CCDC171: variants seen among roughly 807,000 people sequenced by gnomAD.
CCDC171 encodes the protein coiled-coil domain-containing protein 171.
Under a neutral mutation model 168.2 loss-of-function variants are expected in CCDC171, and 177 were observed. The observed-to-expected ratio is 1.05, with a 90% CI of 0.93 to 1.19. CCDC171 has a LOEUF of 1.19. Among genes scored for constraint, CCDC171 ranks in the 50% most tolerant of loss-of-function variants. The probability of loss-of-function intolerance (pLI) is 0.00; values close to 1 mark genes in which losing one functional copy is unlikely to be tolerated. For synonymous variants in CCDC171, 687 were observed against 540.8 expected (o/e 1.27, Z -3.75); for missense variants, 1,991 against 1,539.0 (o/e 1.29, Z -4.91).
chr9:15,991,724 C>G (rs577280871), intron 3 of CCDC171, among the ~76,000 whole-genome samples: 1 of 152,066 alleles, frequency 6.6e-6, no homozygotes, highest in East Asian at 1.9e-4. Flanking sequence ...CAAATAGATG[C>G]AATAAAAAAT....
intron 3 of CCDC171, among the ~76,000 whole-genome samples, chr9:15,993,869 A>C (rs984222929): frequency 6.6e-6 from 1 of 152,224 alleles, no homozygotes; most frequent in African/African-American, 2.4e-5. Flanking sequence ...GAGAAATGCA[A>C]ATCGAAACCA....
chr9:15,640,319 C>T (rs1009133268), intron 7 of CCDC171, among the ~76,000 whole-genome samples: 3 of 152,012 alleles, frequency 2.0e-5, no homozygotes, highest in Non-Finnish European at 4.4e-5. Context: ...AGTCACAAAG[C>T]AGCATTAATT....
intron 21 of CCDC171, among the ~76,000 whole-genome samples, chr9:15,793,143 T>C (rs1033057964): frequency 6.6e-5 from 10 of 151,140 alleles, no homozygotes; most frequent in African/African-American, 2.4e-4. Context: ...ACCAAGCAAA[T>C]GGAAAACAAA....
At position 15,720,655 on chromosome 9, in the gene CCDC171, A is replaced by C. The variant is rs1215501296; in HGVS notation, c.1319-1114A>C. Among the ~76,000 whole-genome samples the C allele has an allele frequency of 3.3e-5, 5 of 152,228 alleles. No individual in the cohort carries two copies. In the South Asian group the frequency reaches 1.0e-3, roughly 31 times the overall value. On this transcript the variant is annotated intron_variant, in intron 11 of 25. Coordinates refer to ENST00000380701, the MANE Select transcript of CCDC171 (RefSeq NM_173550.4). ...CTGAATTTGCTACTTGCTTTTTAAC[A>C]CTTAAAGAATAGTGCAATCAACAAT...
chr9:15,839,393 T>A (rs2060580174), intron 21 of CCDC171, among the ~76,000 whole-genome samples: 1 of 152,154 alleles, frequency 6.6e-6, no homozygotes. Flanking sequence ...TTGTTACTAA[T>A]ACTACTGTAG....
chr9:16,001,218 T>G (rs959820098), intron 3 of CCDC171, among the ~76,000 whole-genome samples: 1 of 152,170 alleles, frequency 6.6e-6, no homozygotes, highest in Non-Finnish European at 1.5e-5. Context: ...GCCCAGTTTC[T>G]CAAAGTGCTG....
intron 4 of CCDC171, among the ~76,000 whole-genome samples, chr9:15,585,702 G>T (rs1376517545): frequency 6.6e-6 from 1 of 152,136 alleles, no homozygotes; most frequent in African/African-American, 2.4e-5. Flanking sequence ...AAATCTCTTT[G>T]AACATTGGCT....
In CCDC171 at chr9:15,981,045, C is replaced by A. The variant is rs552039848; in HGVS notation, n.369-39544C>A. Among the ~76,000 whole-genome samples the A allele has an allele frequency of 1.7e-3, 260 of 152,134 alleles. 2 individuals carry two copies. Among genetic ancestry groups the A allele is most frequent in the African/African-American group, 5.8e-3 (242 of 41,504 alleles). ...ATGCAGGAAAACCCCCATATAATAA[C>A]CATCAGATATTGTGAGACTTACTGT... On this transcript the variant is annotated intron_variant and non_coding_transcript_variant, in intron 3 of 9. Transcript: ENST00000486641.
chr9:15,993,580 C>G (rs930225870), intron 3 of CCDC171, among the ~76,000 whole-genome samples: 5 of 152,194 alleles, frequency 3.3e-5, no homozygotes, highest in African/African-American at 1.2e-4. Flanking sequence ...CAACAAAAGC[C>G]AAAATTGACA....
At chr9:15,661,030 C>T (rs1170918429) in intron 8 of CCDC171, among the ~76,000 whole-genome samples, 1 of 152,154 alleles carries the variant, frequency 6.6e-6, no homozygotes, top group East Asian at 1.9e-4. Flanking sequence ...CCTGTAATCC[C>T]AGCACTTTGG....
intron 23 of CCDC171, among the ~76,000 whole-genome samples, chr9:15,852,019 A>G (rs1451448042): frequency 6.6e-6 from 1 of 151,770 alleles, no homozygotes; most frequent in Non-Finnish European, 1.5e-5. Context: ...CTTGGTTATT[A>G]TGAATAGTGA....
At chr9:16,091,580 G>C in the CCDC171 span, among the ~76,000 whole-genome samples, 1 of 152,232 alleles carries the variant, frequency 6.6e-6, no homozygotes, top group African/African-American at 2.4e-5. Context: ...GTCGTGATCA[G>C]TCAGAGGGGA....
intron 21 of CCDC171, among the ~76,000 whole-genome samples, chr9:15,842,907 T>C (rs1178145766): frequency 6.6e-6 from 1 of 151,870 alleles, no homozygotes; most frequent in Non-Finnish European, 1.5e-5. Flanking sequence ...TTATAGAAAC[T>C]TCAGGAACTA....
At chr9:16,041,870 G>A (rs886104394), upstream of CCDC171, among the ~76,000 whole-genome samples, 3 of 152,132 alleles carry the variant, frequency 2.0e-5, no homozygotes, top group Non-Finnish European at 4.4e-5. Flanking sequence ...AAAAAATTTG[G>A]CATTGGATTC....
intron 6 of CCDC171, among the ~76,000 whole-genome samples, chr9:16,026,421 G>A (rs998700678): frequency 1.3e-5 from 2 of 152,128 alleles, no homozygotes; most frequent in African/African-American, 4.8e-5. Flanking sequence ...GTTGCTACAG[G>A]CATCTGGAAT....
intron 4 of CCDC171, among the ~76,000 whole-genome samples, chr9:15,585,944 C>G (rs1371712659): frequency 6.6e-6 from 1 of 152,106 alleles, no homozygotes; most frequent in Non-Finnish European, 1.5e-5. Context: ...CCACTGCACT[C>G]TAGCCTGGAT....
At chr9:16,017,333 T>G (rs1209132163) in intron 3 of CCDC171, among the ~76,000 whole-genome samples, 1 of 152,178 alleles carries the variant, frequency 6.6e-6, no homozygotes, top group Non-Finnish European at 1.5e-5. Context: ...ATTTAAAAAC[T>G]CAGTAGAATC....
chr9:15,772,982 T>C (rs2057092142), intron 18 of CCDC171, among the ~76,000 whole-genome samples: 1 of 152,010 alleles, frequency 6.6e-6, no homozygotes, highest in Non-Finnish European at 1.5e-5. Flanking sequence ...ATTAATATTA[T>C]TAACCTTATT....
At chr9:15,794,345 A>T (rs1344224251) in intron 21 of CCDC171, among the ~76,000 whole-genome samples, 1 of 152,040 alleles carries the variant, frequency 6.6e-6, no homozygotes, top group East Asian at 1.9e-4. Context: ...GGCACCTGCA[A>T]TCCCAGCTAG....
Sources: allele counts gnomAD v4.1 joint callset (sites outside exome capture counted in the v4.1 genomes callset), GRCh38; gene constraint gnomAD v4.1.1; transcripts MANE v1.5; gene names NCBI Gene and HGNC (gene_info 2026-07-23, HGNC 2026-07-21).